SEMA3E: variants seen among roughly 807,000 people sequenced by gnomAD.
SEMA3E encodes the protein semaphorin 3E.
SEMA3E carries 49 observed loss-of-function variants against 93.6 expected under a neutral mutation model. The ratio of observed to expected loss-of-function variants is 0.52; its 90% CI spans 0.42 to 0.66. SEMA3E has a LOEUF of 0.66. Ranked by LOEUF, SEMA3E falls within the 30% of genes least tolerant of loss-of-function variation. The pLI is 0.00. For synonymous variants in SEMA3E, 363 were observed against 330.7 expected, an observed-to-expected ratio of 1.10 and a Z score of -1.06; for missense variants, 906 against 964.8, an observed-to-expected ratio of 0.94 and a Z score of 0.81.
At chr7:83,549,240 T>C (rs1466632292) in intron 1 of SEMA3E, among the ~76,000 whole-genome samples, 2 of 152,162 alleles carry the variant, frequency 1.3e-5, no homozygotes, top group African/African-American at 2.4e-5. Flanking sequence ...CTTTAACATG[T>C]TATCTCATTT....
intron 1 of SEMA3E, among the ~76,000 whole-genome samples, chr7:83,495,067 T>C (rs1790461158): frequency 1.3e-5 from 2 of 151,948 alleles, no homozygotes; most frequent in Non-Finnish European, 2.9e-5. Context: ...CATGAACAAA[T>C]TTATAATACC....
chr7:83,616,726 TC>T, intron 1 of SEMA3E: 1 of 448,554 alleles, frequency 2.2e-6, no homozygotes, highest in Admixed American at 2.4e-5. Flanking sequence ...CTTCTTTCTT[TC>T]TTTTTTTTTT....
chr7:83,428,900 G>A (rs1562778157), intron 4 of SEMA3E, among the ~76,000 whole-genome samples: 1 of 152,140 alleles, frequency 6.6e-6, no homozygotes, highest in Non-Finnish European at 1.5e-5. Context: ...TTTTAGAGGT[G>A]AGGAATCAGA....
At chr7:83,542,160 T>C (rs910980653) in intron 1 of SEMA3E, among the ~76,000 whole-genome samples, 3 of 150,748 alleles carry the variant, frequency 2.0e-5, no homozygotes, top group African/African-American at 4.9e-5. Flanking sequence ...CTGGGCAACA[T>C]AGTGAGAATC....
At chr7:83,627,965 T>C (rs1793705714) in intron 1 of SEMA3E, among the ~76,000 whole-genome samples, 1 of 152,210 alleles carries the variant, frequency 6.6e-6, no homozygotes, top group South Asian at 2.1e-4. Context: ...TGGTTTTTCC[T>C]TTCCATATTT....
intron 1 of SEMA3E, among the ~76,000 whole-genome samples, chr7:83,607,557 A>G (rs1793150640): frequency 6.6e-6 from 1 of 152,164 alleles, no homozygotes; most frequent in Non-Finnish European, 1.5e-5. Context: ...ACAAATATAA[A>G]CTGGGTCATT....
intron 1 of SEMA3E, among the ~76,000 whole-genome samples, chr7:83,578,849 T>G (rs1584343537): frequency 6.6e-6 from 1 of 152,104 alleles, no homozygotes; most frequent in Admixed American, 6.6e-5. Context: ...TGATTAAATA[T>G]AGACATAACA....
intron 4 of SEMA3E, among the ~76,000 whole-genome samples, chr7:83,432,663 C>T (rs1474324197): frequency 6.6e-6 from 1 of 152,124 alleles, no homozygotes; most frequent in Non-Finnish European, 1.5e-5. Context: ...ATCATATATG[C>T]TTTTTCAGAG....
Position 83,364,763 on chromosome 7 carries a change from C to T in SEMA3E, c.*2823G>A, listed in dbSNP as rs1333203722. 1 of 152,132 alleles carries T rather than the reference C, an allele frequency of 6.6e-6. No individual in the cohort carries two copies. Among genetic ancestry groups the T allele is most frequent in the African/African-American group, 2.4e-5 (1 of 41,420 alleles). 9.4% of individuals were successfully genotyped at this position (152,132 alleles called of 1,614,324 possible). A position where few individuals can be genotyped will look rare whatever the true frequency, so the allele number is the denominator to read the frequency against. ...GGAGACCGGCCCTCGATGGAGGTGC[C>T]TCTTAGAAATTAGATGAGTGGTTAT... On this transcript the variant is annotated 3_prime_UTR_variant, in exon 17 of 17. Transcript: ENST00000643230.
chr7:83,379,804 T>C (rs1371532647), intron 16 of SEMA3E, among the ~76,000 whole-genome samples: 1 of 151,940 alleles, frequency 6.6e-6, no homozygotes, highest in African/African-American at 2.4e-5. Context: ...ACAATAAAAA[T>C]ATCTCCTTCA....
At chr7:83,526,977 C>G (rs566709014) in intron 1 of SEMA3E, among the ~76,000 whole-genome samples, 18 of 147,952 alleles carry the variant, frequency 1.2e-4, no homozygotes, top group African/African-American at 4.6e-4. Context: ...CGAGTGTGAC[C>G]TTCTTTGCAA....
chr7:83,498,989 C>T (rs1464377017), intron 1 of SEMA3E, among the ~76,000 whole-genome samples: 1 of 151,982 alleles, frequency 6.6e-6, no homozygotes, highest in Admixed American at 6.6e-5. Flanking sequence ...TATTAATTCT[C>T]AACTTTTTTA....
chr7:83,479,779 T>C (rs1790105345), intron 2 of SEMA3E, among the ~76,000 whole-genome samples: 1 of 152,232 alleles, frequency 6.6e-6, no homozygotes, highest in Non-Finnish European at 1.5e-5. Context: ...AATGTGGCTA[T>C]AGAATCCGTG....
At chr7:83,639,334 T>C (rs947502968) in intron 1 of SEMA3E, among the ~76,000 whole-genome samples, 1 of 152,068 alleles carries the variant, frequency 6.6e-6, no homozygotes, top group African/African-American at 2.4e-5. Context: ...TGCAATGTAA[T>C]TCAATCAAGA....
intron 3 of SEMA3E, 57 bp downstream of exon 3, chr7:83,469,185 TG>T (rs1487226239): frequency 5.1e-6 from 7 of 1,366,682 alleles, no homozygotes; most frequent in Non-Finnish European, 7.3e-6. Flanking sequence ...TTCAGTTCTT[TG>T]TGGTTAACTA....
At position 83,635,694 on chromosome 7, in the gene SEMA3E, A is replaced by G. The variant is rs140721611; in HGVS notation, c.115+12734T>C. On this transcript the variant is annotated intron_variant, in intron 1 of 16. Coordinates refer to ENST00000643230, the MANE Select transcript of SEMA3E (RefSeq NM_012431.3). ...AAAATCTTAGTAAAATGAAATTTTC[A>G]TAAGTTCTTTCTCAAATAACCTGGG... Among the ~76,000 whole-genome samples, 890 of 152,126 alleles carry G rather than the reference A, an allele frequency of 5.9e-3. 9 individuals carry two copies. The highest frequency in any genetic ancestry group is 0.019 in the African/African-American group (787 of 41,524).
chr7:83,536,798 C>T (rs1303001282), intron 1 of SEMA3E, among the ~76,000 whole-genome samples: 1 of 152,056 alleles, frequency 6.6e-6, no homozygotes, highest in African/African-American at 2.4e-5. Context: ...CCAATTTTAT[C>T]ACAGATTTTC....
intron 16 of SEMA3E, among the ~76,000 whole-genome samples, chr7:83,374,014 A>G (rs1431820503): frequency 6.6e-6 from 1 of 151,836 alleles, no homozygotes; most frequent in Non-Finnish European, 1.5e-5. Context: ...CGAGACCAGC[A>G]TGACCAACAT....
intron 1 of SEMA3E, among the ~76,000 whole-genome samples, chr7:83,540,250 C>T (rs1328921596): frequency 2.0e-5 from 3 of 152,164 alleles, no homozygotes; most frequent in Non-Finnish European, 4.4e-5. Context: ...TTTCTTTGCA[C>T]ACAAGAATAT....
Sources: allele counts gnomAD v4.1 joint callset (sites outside exome capture counted in the v4.1 genomes callset), GRCh38; gene constraint gnomAD v4.1.1; transcripts MANE v1.5; gene names NCBI Gene and HGNC (gene_info 2026-07-23, HGNC 2026-07-21).